Variants in RGSL1 observed in about 807,000 individuals in gnomAD.
The protein encoded by RGSL1 is regulator of G protein signaling protein-like.
In RGSL1, 97 loss-of-function variants were observed where a neutral mutation model predicts 124.7. That is an observed-to-expected ratio of 0.78 (90% confidence interval 0.66 to 0.92). RGSL1 has a LOEUF of 0.92. Ranked by LOEUF, RGSL1 falls within the 40% of genes least tolerant of loss-of-function variation. The pLI, the probability that RGSL1 is intolerant of heterozygous loss-of-function variation, is 0.00. For synonymous variants in RGSL1, 424 were observed against 438.1 expected, an observed-to-expected ratio of 0.97 and a Z score of 0.40; for missense variants, 1,233 against 1,288.4, an observed-to-expected ratio of 0.96 and a Z score of 0.66.
chr1:182,542,801 A>G (rs1446377586), intron 15 of RGSL1, among the ~76,000 whole-genome samples: 2 of 151,938 alleles, frequency 1.3e-5, no homozygotes, highest in Admixed American at 6.6e-5. Context: ...TAGGTATTTT[A>G]TGCTTTTTGT....
chr1:182,552,755 C>T lies in RGSL1; in HGVS notation c.3044-700C>T, dbSNP rs79668385. 9.2e-3 allele frequency among the ~76,000 whole-genome samples: 1,401 copies of T among 152,280 alleles called. 25 individuals are homozygous for T. The highest frequency in any genetic ancestry group is 0.033 in the African/African-American group (1,355 of 41,564). On this transcript the variant is annotated intron_variant, in intron 18 of 21. Coordinates refer to ENST00000294854, the MANE Select transcript of RGSL1 (RefSeq NM_001137669.2). The stretch of plus-strand genomic sequence containing the variant: ...CACTAACATCTGGCAAAGGGCTTTA[C>T]GCTGCATCACCCCATGGTGGAAGGC...
intron 17 of RGSL1, chr1:182,550,733 C>T (rs1192949665): frequency 1.0e-5 from 2 of 193,910 alleles, no homozygotes; most frequent in African/African-American, 2.3e-5. Context: ...TTCAGACACT[C>T]TGGCCATACC....
At chr1:182,536,792 G>A (rs145104072) in intron 14 of RGSL1, among the ~76,000 whole-genome samples, 1,843 of 152,102 alleles carry the variant, frequency 0.012, 41 homozygotes, top group African/African-American at 0.042. Context: ...ATCAGATCTC[G>A]TGAGACTTAT....
At chr1:182,452,029 G>T (rs567082676) in intron 1 of RGSL1, among the ~76,000 whole-genome samples, 2 of 152,082 alleles carry the variant, frequency 1.3e-5, no homozygotes, top group South Asian at 4.2e-4. Context: ...GAGAGTGAGA[G>T]TGAGAGACAG....
intron 15 of RGSL1, among the ~76,000 whole-genome samples, chr1:182,541,098 T>A (rs1419635461): frequency 6.6e-6 from 1 of 152,212 alleles, no homozygotes; most frequent in African/African-American, 2.4e-5. Context: ...GCTAGACAGA[T>A]TCAAATTACT....
At chr1:182,450,306 C>G (rs928153991) in intron 1 of RGSL1, 128 bp downstream of exon 1, 3 of 972,836 alleles carry the variant, frequency 3.1e-6, no homozygotes, top group African/African-American at 1.6e-5. Flanking sequence ...GTTATTCATG[C>G]CTTTGTTTTC....
rs1660539259 is a variant in RGSL1 at position 182,551,185 on chromosome 1, G to A, written c.3019G>A (p.Asp1007Asn). Residue 1007 changes from aspartate to asparagine, a missense_variant, in exon 18 of 22, where the codon GAC becomes AAC. By Grantham distance (23) the Asp-to-Asn change is conservative. Transcript: ENST00000294854. Reference protein sequence around the residue: ...KDRKSPPKSTDKYPFSSGGDN... With the variant: ...KDRKSPPKSTNKYPFSSGGDN... ...CAGAAAAAGCCCTCCTAAATCTACG[G>A]ACAAGTATCCTTTCTCGAGTGGAGG... 6.4e-7 allele frequency: 1 copy of A among 1,551,444 alleles called. No homozygotes were observed. Among genetic ancestry groups the A allele is most frequent in the South Asian group, 1.2e-5 (1 of 84,060 alleles).
intron 9 of RGSL1, among the ~76,000 whole-genome samples, chr1:182,498,771 A>G (rs1656126066): frequency 6.8e-6 from 1 of 146,580 alleles, no homozygotes; most frequent in Admixed American, 7.0e-5. Flanking sequence ...TGATTATGTG[A>G]CCAACTTTTC....
chr1:182,505,562 G>A (rs1267656885), intron 9 of RGSL1, among the ~76,000 whole-genome samples: 1 of 152,138 alleles, frequency 6.6e-6, no homozygotes, highest in Non-Finnish European at 1.5e-5. Flanking sequence ...GTTGAATTCT[G>A]AGAGCTCCCT....
intron 6 of RGSL1, among the ~76,000 whole-genome samples, chr1:182,477,873 C>T (rs746467793): frequency 1.3e-5 from 2 of 152,232 alleles, no homozygotes; most frequent in Non-Finnish European, 2.9e-5. Context: ...AGAGGTGACT[C>T]CTCCGTCAAG....
intron 2 of RGSL1, among the ~76,000 whole-genome samples, chr1:182,456,641 C>A (rs1440226740): frequency 6.6e-6 from 1 of 152,114 alleles, no homozygotes; most frequent in Non-Finnish European, 1.5e-5. Flanking sequence ...TTCACCAACA[C>A]AATTAAAACA....
intron 17 of RGSL1, chr1:182,549,061 C>T (rs76417023): frequency 2.4e-6 from 1 of 423,420 alleles, no homozygotes; most frequent in Non-Finnish European, 4.2e-6. Context: ...TTTCCCACCC[C>T]TCCTCTTTCT....
chr1:182,555,934 TA>T (rs2102343504), intron 20 of RGSL1, 89 bp from the exon 21 acceptor site: 1 of 1,231,182 alleles, frequency 8.1e-7, no homozygotes, highest in Non-Finnish European at 1.2e-6. Flanking sequence ...TTGCCATTCC[TA>T]AAGGAAATGA....
intron 9 of RGSL1, among the ~76,000 whole-genome samples, chr1:182,499,783 G>A (rs1470464917): frequency 6.6e-6 from 1 of 152,136 alleles, no homozygotes. Flanking sequence ...ATGTACTTAA[G>A]TGTGCTTTTG....
At position 182,483,258 on chromosome 1, in the gene RGSL1, A is replaced by G. The variant is rs148277327; in HGVS notation, c.1432-5027A>G. On this transcript the variant is annotated intron_variant, in intron 6 of 21. Transcript: ENST00000294854. ...GTCTTGTGTTAAGTGTTTTTACCAC[A>G]AAAGAAAAAAAAAAGCAAACAAAAC... Among the ~76,000 whole-genome samples, 858 of 152,228 alleles carry G rather than the reference A, an allele frequency of 5.6e-3. 12 individuals carry two copies. Among genetic ancestry groups the G allele is most frequent in the African/African-American group, 0.019 (808 of 41,556 alleles).
intron 18 of RGSL1, among the ~76,000 whole-genome samples, chr1:182,552,393 T>C (rs1378593106): frequency 6.6e-6 from 1 of 152,058 alleles, no homozygotes; most frequent in African/African-American, 2.4e-5. Flanking sequence ...GGATTACAGG[T>C]GTAAGCCACC....
chr1:182,523,426 C>A (rs950366608), intron 10 of RGSL1, among the ~76,000 whole-genome samples: 2 of 152,128 alleles, frequency 1.3e-5, no homozygotes, highest in Non-Finnish European at 2.9e-5. Context: ...TCCCTTTCAG[C>A]AACTGAAATT....
chr1:182,471,663 G>T (rs1653854914), intron 4 of RGSL1, among the ~76,000 whole-genome samples: 1 of 152,132 alleles, frequency 6.6e-6, no homozygotes, highest in Admixed American at 6.5e-5. Flanking sequence ...TTACAAAGGT[G>T]AACAAGAGCC....
chr1:182,483,411 T>C (rs1030454439), intron 6 of RGSL1, among the ~76,000 whole-genome samples: 5 of 152,158 alleles, frequency 3.3e-5, no homozygotes, highest in African/African-American at 1.2e-4. Context: ...GGTTTTTGTA[T>C]GTCAATCATA....
Sources: gnomAD v4.1 joint callset for allele counts (sites outside exome capture counted in the v4.1 genomes callset) on GRCh38, gnomAD v4.1.1 for gene constraint, MANE v1.5 for transcripts, NCBI Gene and HGNC (gene_info 2026-07-23, HGNC 2026-07-21) for gene names.